The following CALD1 variants were observed in gnomAD, a reference collection of about 807,000 sequenced individuals.
CALD1 encodes caldesmon.
In CALD1, 33 loss-of-function variants were observed where a neutral mutation model predicts 99.9. The ratio of observed to expected loss-of-function variants is 0.33; its 90% CI spans 0.25 to 0.44. The LOEUF (loss-of-function observed/expected upper bound fraction) is 0.44, where lower values mean the gene tolerates loss of function less well. CALD1 is among the 20% of genes least tolerant of loss of function. The pLI, the probability that CALD1 is intolerant of heterozygous loss-of-function variation, is 1.00. For missense variants in CALD1, 861 were observed against 962.1 expected (o/e 0.89, Z 1.39); for synonymous variants, 310 against 325.0 (o/e 0.95, Z 0.50).
the CALD1 span, among the ~76,000 whole-genome samples, chr7:134,711,694 G>A: frequency 0.11 from 13,571 of 118,514 alleles, 926 homozygotes; most frequent in South Asian, 0.14. Context: ...GTGTGTGTGT[G>A]TGTGTGTGTG....
upstream of CALD1, among the ~76,000 whole-genome samples, chr7:134,776,204 T>A (rs183908627): frequency 2.0e-5 from 3 of 152,166 alleles, no homozygotes; most frequent in Non-Finnish European, 4.4e-5. Flanking sequence ...TGTCTTTTCA[T>A]TGATTATAAT....
intron 3 of CALD1, among the ~76,000 whole-genome samples, chr7:134,881,088 T>C (rs1801578446): frequency 6.6e-6 from 1 of 152,214 alleles, no homozygotes; most frequent in Non-Finnish European, 1.5e-5. Flanking sequence ...ATGAGAACTC[T>C]GCCTGAAGTG....
intron 1 of CALD1, among the ~76,000 whole-genome samples, chr7:134,768,156 C>T (rs1297972717): frequency 1.3e-5 from 2 of 152,214 alleles, no homozygotes; most frequent in African/African-American, 4.8e-5. Flanking sequence ...ATGGCCAGTC[C>T]TGTTCCATGG....
intron 1 of CALD1, among the ~76,000 whole-genome samples, chr7:134,813,923 C>A (rs1183924492): frequency 6.6e-6 from 1 of 152,106 alleles, no homozygotes; most frequent in Non-Finnish European, 1.5e-5. Context: ...CATGTGGGAA[C>A]ACAAGATCAT....
In CALD1 at chr7:134,933,355, G is replaced by A. The variant is rs1194013209; in HGVS notation, c.586G>A (p.Glu196Lys). The change falls in exon 5 of 15, where the codon GAG (glutamate) becomes AAG (lysine). Residue 196 changes from glutamate (E) to lysine (K), a missense_variant. Transcript: ENST00000361675. ...CAAGGAAAAGGAGGAGGAGGAAGAG[G>A]AGAAGCCAAAGCGAGGGAGCATTGG... is the stretch of plus-strand genomic sequence containing the variant. ...EDKEKEEEEE[E>K]KPKRGSIGEN... 11 of 1,605,748 alleles carry A rather than the reference G, an allele frequency of 6.9e-6. 1 individual carries two copies. In the African/African-American group the frequency reaches 1.3e-4, roughly 20 times the overall value.
At chr7:134,844,926 A>C (rs1799792142) in intron 2 of CALD1, among the ~76,000 whole-genome samples, 2 of 152,164 alleles carry the variant, frequency 1.3e-5, no homozygotes, top group African/African-American at 4.8e-5. Flanking sequence ...TCTTTGAAGA[A>C]CTCATCTCCA....
chr7:134,924,185 T>C (rs925800678), intron 3 of CALD1, among the ~76,000 whole-genome samples: 1 of 152,154 alleles, frequency 6.6e-6, no homozygotes, highest in Non-Finnish European at 1.5e-5. Context: ...AAAACAAAAA[T>C]GTCTGTGCAT....
At chr7:134,767,443 G>T (rs1796837520) in intron 1 of CALD1, among the ~76,000 whole-genome samples, 1 of 152,182 alleles carries the variant, frequency 6.6e-6, no homozygotes, top group Non-Finnish European at 1.5e-5. Context: ...CTAGGCCAAA[G>T]CTACAGAACC....
intron 1 of CALD1, among the ~76,000 whole-genome samples, chr7:134,747,851 C>T (rs1010615512): frequency 6.6e-6 from 1 of 152,252 alleles, no homozygotes; most frequent in South Asian, 2.1e-4. Flanking sequence ...AGGCAATACC[C>T]AGTGGAACCA....
chr7:134,786,097 T>C (rs1265369770), intron 1 of CALD1, among the ~76,000 whole-genome samples: 1 of 152,156 alleles, frequency 6.6e-6, no homozygotes, highest in Non-Finnish European at 1.5e-5. Flanking sequence ...TCTACTCAAG[T>C]ACCATGTTTT....
intron 1 of CALD1, among the ~76,000 whole-genome samples, chr7:134,787,562 A>C (rs1430103217): frequency 1.3e-5 from 2 of 152,114 alleles, no homozygotes; most frequent in South Asian, 2.1e-4. Flanking sequence ...CTAGGGCAGG[A>C]GTCATCACAG....
At chr7:134,834,650 G>A (rs1029979056) in intron 1 of CALD1, among the ~76,000 whole-genome samples, 4 of 152,172 alleles carry the variant, frequency 2.6e-5, no homozygotes, top group African/African-American at 9.7e-5. Context: ...ATAGAGATAT[G>A]CAAGCCCTGT....
chr7:134,816,948 G>C (rs905530810), intron 1 of CALD1, among the ~76,000 whole-genome samples: 5 of 152,188 alleles, frequency 3.3e-5, no homozygotes, highest in African/African-American at 1.2e-4. Context: ...AAAAGTAGCT[G>C]TCAGAGGATT....
intron 3 of CALD1, among the ~76,000 whole-genome samples, chr7:134,881,276 AC>A (rs1473660336): frequency 6.6e-6 from 1 of 152,098 alleles, no homozygotes; most frequent in Non-Finnish European, 1.5e-5. Flanking sequence ...AAATCTGGAA[AC>A]CTTGTCATTT....
intron 1 of CALD1, chr7:134,822,195 A>C (rs1798811434): frequency 6.6e-6 from 1 of 152,170 alleles, no homozygotes. Context: ...CTGCTTGCTA[A>C]GTTAAGGTTA....
In CALD1 at chr7:134,943,776, A is replaced by G. The variant is rs114411533; in HGVS notation, c.1532+2539A>G. On this transcript the variant is annotated intron_variant, in intron 7 of 14. Transcript: ENST00000361675. ...TCAAGATAAATGCACACACGTGTGT[A>G]TATTTATATGTAGTATATACGTGTG... Among the ~76,000 whole-genome samples the G allele has an allele frequency of 2.6e-3, 392 of 152,366 alleles. 2 individuals carry two copies. Among genetic ancestry groups the G allele is most frequent in the African/African-American group, 9.1e-3 (377 of 41,584 alleles).
upstream of CALD1, among the ~76,000 whole-genome samples, chr7:134,739,552 C>T (rs62462506): frequency 0.21 from 32,535 of 152,032 alleles, 4,506 homozygotes; most frequent in African/African-American, 0.38. Context: ...AGGGTGGTCA[C>T]GTGACTGATG....
At chr7:134,921,413 A>G (rs1804612332) in intron 3 of CALD1, among the ~76,000 whole-genome samples, 2 of 152,226 alleles carry the variant, frequency 1.3e-5, no homozygotes, top group African/African-American at 4.8e-5. Flanking sequence ...CAAGATCTAG[A>G]AGATTACATC....
intron 3 of CALD1, among the ~76,000 whole-genome samples, chr7:134,923,946 C>T (rs186518033): frequency 7.4e-4 from 113 of 152,294 alleles, no homozygotes; most frequent in African/African-American, 2.6e-3. Flanking sequence ...TCCTTAGCAG[C>T]ATTGTTTATA....
Sources: gnomAD v4.1 joint callset for allele counts (sites outside exome capture counted in the v4.1 genomes callset) on GRCh38, gnomAD v4.1.1 for gene constraint, MANE v1.5 for transcripts, NCBI Gene and HGNC (gene_info 2026-07-23, HGNC 2026-07-21) for gene names.